Variants in FANCM observed in about 807,000 individuals in gnomAD.
FANCM encodes FA complementation group M.
Under a neutral mutation model 199.5 loss-of-function variants are expected in FANCM, and 140 were observed. The observed-to-expected ratio is 0.70, with a 90% CI of 0.61 to 0.81. The LOEUF is 0.81. FANCM is among the 30% of genes least tolerant of loss of function. The pLI is 0.00. For synonymous variants in FANCM, 840 were observed against 836.8 expected (o/e 1.00, Z -0.07); for missense variants, 2,410 against 2,421.4 (o/e 1.00, Z 0.10).
At chr14:45,137,376 T>C in intron 2 of FANCM, 135 bp downstream of exon 2, 1 of 704,784 alleles carries the variant, frequency 1.4e-6, no homozygotes, top group Non-Finnish European at 2.5e-6. Flanking sequence ...TCAGAACAGA[T>C]GGTGATAAAG....
At position 45,181,626 on chromosome 14, in the gene FANCM, A is replaced by T. The variant is rs1889077981; in HGVS notation, c.4318-11A>T. 6.2e-7 allele frequency: 1 copy of T among 1,604,014 alleles called. No individual in the cohort carries two copies. The highest frequency in any genetic ancestry group is 1.3e-5 in the African/African-American group (1 of 74,718). On this transcript the variant is annotated splice_polypyrimidine_tract_variant and intron_variant, in intron 15 of 22. Transcript: ENST00000267430. ...ACTTTTGTTGCCTTTTACTTTATTT[A>T]CTTACTTTAGGATCAGAAAAATAGT...
intron 4 of FANCM, among the ~76,000 whole-genome samples, chr14:45,150,837 A>G (rs942951117): frequency 1.3e-5 from 2 of 152,220 alleles, no homozygotes; most frequent in Admixed American, 6.5e-5. Flanking sequence ...TGTAAACTAT[A>G]TGAGAGCAGT....
Position 45,164,503 on chromosome 14 carries a change from A to T in FANCM, c.1726A>T (p.Arg576Ter). 6.2e-7 allele frequency: 1 copy of T among 1,613,732 alleles called. No individual in the cohort carries two copies. Among genetic ancestry groups the T allele is most frequent in the Non-Finnish European group, 8.5e-7 (1 of 1,179,980 alleles). The change falls in exon 10 of 23, where the codon AGA (arginine) becomes TGA (stop). Residue 576 changes from arginine (R) to a stop codon, truncating the protein, a stop_gained. Coordinates refer to ENST00000267430, the MANE Select transcript of FANCM (RefSeq NM_020937.4). LOFTEE classifies it high-confidence loss of function. ...SPIRLVQRMGRTGRKRQGRIV... is the reference protein window; with the variant it reads ...SPIRLVQRMG Reference sequence around the variant, plus strand: ...AATTCGTCTTGTACAACGAATGGGTAGAACTGGCCGTAAACGTCAAGGCAG... The same window carrying T: ...AATTCGTCTTGTACAACGAATGGGTTGAACTGGCCGTAAACGTCAAGGCAG...
intron 20 of FANCM, among the ~76,000 whole-genome samples, chr14:45,195,174 G>A (rs186609198): frequency 2.1e-3 from 315 of 152,300 alleles, no homozygotes; most frequent in Non-Finnish European, 2.1e-3. Flanking sequence ...TCTTTCCATA[G>A]CAAAGTTGAA....
chr14:45,176,100 C>T lies in FANCM; in HGVS notation c.3346C>T (p.His1116Tyr), dbSNP rs1277721616. Reference sequence around the variant, plus strand: ...ACAGAATTTAGTTGGAGAGAACAATCATGATGTTGATAACAGTGACCTCCC... The same window carrying T: ...ACAGAATTTAGTTGGAGAGAACAATTATGATGTTGATAACAGTGACCTCCC... ...PAQNLVGENN[H>Y]DVDNSDLPVL... Residue 1116 changes from histidine to tyrosine, a missense_variant, in exon 14 of 23, where the codon CAT (histidine) becomes TAT (tyrosine). Coordinates refer to ENST00000267430, the MANE Select transcript of FANCM (RefSeq NM_020937.4). 1 of 1,613,894 alleles carries T rather than the reference C, an allele frequency of 6.2e-7. No homozygotes were observed. Among genetic ancestry groups the T allele is most frequent in the Non-Finnish European group, 8.5e-7 (1 of 1,179,968 alleles).
intron 18 of FANCM, among the ~76,000 whole-genome samples, chr14:45,186,422 G>T (rs1048340866): frequency 6.6e-6 from 1 of 152,216 alleles, no homozygotes; most frequent in Non-Finnish European, 1.5e-5. Flanking sequence ...AGATGGTTCA[G>T]ATTGGCTGTA....
chr14:45,166,078 A>T (rs1457038186), intron 10 of FANCM, among the ~76,000 whole-genome samples: 1 of 152,170 alleles, frequency 6.6e-6, no homozygotes, highest in East Asian at 1.9e-4. Flanking sequence ...TTTATGCAGT[A>T]TAACTGCTAA....
intron 3 of FANCM, among the ~76,000 whole-genome samples, chr14:45,144,312 A>AC (rs377108603): frequency 8.1e-6 from 1 of 123,736 alleles, no homozygotes; most frequent in South Asian, 2.6e-4. Context: ...TGTCCCCTCC[A>AC]CCCCCCTCGC....
intron 3 of FANCM, among the ~76,000 whole-genome samples, chr14:45,146,072 GA>G (rs201857804): frequency 0.029 from 3,468 of 118,188 alleles, 70 homozygotes; most frequent in Admixed American, 0.032. Context: ...AAAAAAAAAA[GA>G]AAAAAAAAAT....
chr14:45,164,101 A>G (rs1415756946), intron 9 of FANCM, among the ~76,000 whole-genome samples: 2 of 152,080 alleles, frequency 1.3e-5, no homozygotes, highest in Non-Finnish European at 2.9e-5. Flanking sequence ...ATACACCATC[A>G]TGCTGGGCTA....
At chr14:45,160,041 C>G (rs1336421140) in intron 9 of FANCM, among the ~76,000 whole-genome samples, 2 of 144,030 alleles carry the variant, frequency 1.4e-5, no homozygotes, top group Non-Finnish European at 3.0e-5. Context: ...TACTCTGTTG[C>G]CCAGGCTGGA....
rs1371911572 is a variant in FANCM at position 45,149,071 on chromosome 14, A to G, written c.918+76A>G. On this transcript the variant is annotated intron_variant, in intron 4 of 22. Transcript: ENST00000267430. ...AATTATTTCAGCTAACAGGATTTGGATGTGATAATATAGTTATCTTATTTT... is the reference window on the plus strand; with the variant it reads ...AATTATTTCAGCTAACAGGATTTGGGTGTGATAATATAGTTATCTTATTTT... The G allele has an allele frequency of 6.2e-6, 7 of 1,134,076 alleles. No individual in the cohort carries two copies. The Admixed American group carries it at 9.8e-5, about 16-fold the overall frequency. 70.3% of individuals were successfully genotyped at this position (1,134,076 alleles called of 1,614,324 possible). A position where few individuals can be genotyped will look rare whatever the true frequency, so the allele number is the denominator to read the frequency against.
chr14:45,140,386 C>CT (rs1264708407), intron 2 of FANCM, among the ~76,000 whole-genome samples: 1 of 152,124 alleles, frequency 6.6e-6, no homozygotes, highest in East Asian at 1.9e-4. Context: ...TTGATTTGCC[C>CT]TTTGAGTATT....
Position 45,173,187 on chromosome 14 carries a change from A to G in FANCM, c.2293A>G (p.Ile765Val), listed in dbSNP as rs533438271. 3 of 1,613,926 alleles carry G rather than the reference A, an allele frequency of 1.9e-6. No individual in the cohort carries two copies. In the South Asian group the frequency reaches 3.3e-5, roughly 18 times the overall value. ...CRHFIGLMQM[I>V]EGMRHEEGEC... ...CCATTTTATAGGCCTTATGCAAATG[A>G]TAGAGGGAATGAGACACGAAGAGGT... The change falls in exon 13 of 23, where the codon ATA (isoleucine) becomes GTA (valine). Residue 765 changes from isoleucine (I) to valine (V), a missense_variant. Coordinates refer to ENST00000267430, the MANE Select transcript of FANCM (RefSeq NM_020937.4).
intron 9 of FANCM, among the ~76,000 whole-genome samples, chr14:45,162,813 C>A (rs1013605327): frequency 7.9e-5 from 12 of 151,626 alleles, no homozygotes; most frequent in Admixed American, 3.9e-4. Context: ...AATTGACATT[C>A]TTTATTAATC....
At position 45,200,034 on chromosome 14, in the gene FANCM, A is replaced by G. The variant is rs1890277492; in HGVS notation, c.*26A>G. On this transcript the variant is annotated 3_prime_UTR_variant, in exon 23 of 23. Transcript: ENST00000267430. ...TCAAGCTGCTCAAGATGGGGTTTTCAAAGACCTCTCACAATATTAAATGCA... is the reference window on the plus strand; with the variant it reads ...TCAAGCTGCTCAAGATGGGGTTTTCGAAGACCTCTCACAATATTAAATGCA... 6.4e-7 allele frequency: 1 copy of G among 1,566,392 alleles called. No homozygotes were observed. Among genetic ancestry groups the G allele is most frequent in the South Asian group, 1.1e-5 (1 of 89,782 alleles).
At chr14:45,186,819 G>A (rs534902664) in intron 18 of FANCM, among the ~76,000 whole-genome samples, 4 of 152,330 alleles carry the variant, frequency 2.6e-5, no homozygotes, top group African/African-American at 4.8e-5. Context: ...GTAGTAGGAA[G>A]ATCAGAGAAC....
intron 11 of FANCM, among the ~76,000 whole-genome samples, chr14:45,168,834 G>A (rs903822297): frequency 8.9e-5 from 13 of 145,914 alleles, no homozygotes; most frequent in Non-Finnish European, 1.9e-4. Flanking sequence ...TATAGTATAT[G>A]TAGTATTATA....
intron 16 of FANCM, among the ~76,000 whole-genome samples, chr14:45,183,147 C>G (rs1889174860): frequency 6.6e-6 from 1 of 152,150 alleles, no homozygotes; most frequent in Non-Finnish European, 1.5e-5. Flanking sequence ...AGAAAAACAA[C>G]TTGCTACCTT....
Sources: gnomAD v4.1 joint callset for allele counts (sites outside exome capture counted in the v4.1 genomes callset) on GRCh38, gnomAD v4.1.1 for gene constraint, MANE v1.5 for transcripts, NCBI Gene and HGNC (gene_info 2026-07-23, HGNC 2026-07-21) for gene names.